Variants in CELF2 observed in about 807,000 individuals in gnomAD.
CELF2 encodes the protein CUGBP Elav-like family member 2, also known as CUG triplet repeat RNA-binding protein 2.
CELF2 carries 8 observed loss-of-function variants against 62.6 expected under a neutral mutation model. That is an observed-to-expected ratio of 0.13 (90% confidence interval 0.07 to 0.23). The LOEUF (loss-of-function observed/expected upper bound fraction) is 0.23, where lower values mean the gene tolerates loss of function less well. Among genes scored for constraint, CELF2 ranks in the 10% least tolerant of loss-of-function variants. The probability of loss-of-function intolerance (pLI) is 1.00; values close to 1 mark genes in which losing one functional copy is unlikely to be tolerated. For synonymous variants in CELF2, 258 were observed against 250.0 expected (o/e 1.03, Z -0.30); for missense variants, 333 against 671.0 (o/e 0.50, Z 5.56).
rs1395484682 is a variant in CELF2 at position 10,997,404 on chromosome 10, A to T, written c.89+77405A>T. ...GCTTCTCTTGCATTTCCATCACATG[A>T]TCATATGAATCACCATATTGGTCTC... is the stretch of plus-strand genomic sequence containing the variant. On this transcript the variant is annotated intron_variant, in intron 2 of 13. Coordinates refer to the CELF2 transcript ENST00000636488. This position sits in a 1 kb window ranked among gnomAD's most constrained non-coding sequence, Gnocchi z 5.3. Among the ~76,000 whole-genome samples the T allele has an allele frequency of 6.6e-6, 1 of 152,196 alleles. No homozygotes were observed. Among genetic ancestry groups the T allele is most frequent in the African/African-American group, 2.4e-5 (1 of 41,452 alleles).
chr10:10,618,238 C>G, the CELF2 span, among the ~76,000 whole-genome samples: 2 of 152,084 alleles, frequency 1.3e-5, no homozygotes, highest in East Asian at 3.9e-4. Context: ...CAATTTTTGG[C>G]TCCCTGACCT....
At chr10:10,982,939 C>T (rs2052317175) in intron 2 of CELF2, among the ~76,000 whole-genome samples, 1 of 151,046 alleles carries the variant, frequency 6.6e-6, no homozygotes. Context: ...TTTTCTAAGA[C>T]TACTGTGCTT....
chr10:10,639,330 C>T, the CELF2 span, among the ~76,000 whole-genome samples: 1 of 152,204 alleles, frequency 6.6e-6, no homozygotes, highest in Admixed American at 6.5e-5. Context: ...CTGCAAACTG[C>T]ACTGGAGCCC....
intron 1 of CELF2, among the ~76,000 whole-genome samples, chr10:10,910,863 C>G (rs1480903849): frequency 2.6e-5 from 4 of 152,136 alleles, no homozygotes; most frequent in Middle Eastern, 3.2e-3. Flanking sequence ...GGCTCTGAGA[C>G]TATCTTCAAG....
intron 2 of CELF2, among the ~76,000 whole-genome samples, chr10:11,187,880 C>T (rs1313821270): frequency 6.6e-6 from 1 of 152,198 alleles, no homozygotes; most frequent in African/African-American, 2.4e-5. Flanking sequence ...ATAGATATTT[C>T]CATCATAAGA....
chr10:11,193,158 C>T (rs1365456317), intron 2 of CELF2, among the ~76,000 whole-genome samples: 6 of 152,160 alleles, frequency 3.9e-5, no homozygotes, highest in African/African-American at 1.4e-4. Context: ...CCAGTGACTT[C>T]GTGGAATGTC....
chr10:10,743,912 C>T, the CELF2 span, among the ~76,000 whole-genome samples: 1 of 54,444 alleles, frequency 1.8e-5, no homozygotes, highest in African/African-American at 5.4e-5. Flanking sequence ...CACTGTAGTC[C>T]AGCAGCAGCC....
intron 1 of CELF2, among the ~76,000 whole-genome samples, chr10:11,093,991 A>G (rs1338956200): frequency 2.0e-5 from 3 of 152,194 alleles, no homozygotes; most frequent in African/African-American, 7.2e-5. Context: ...TGCTAATGGT[A>G]TTACAGATGA....
intron 1 of CELF2, among the ~76,000 whole-genome samples, chr10:10,860,539 G>A (rs1010029326): frequency 6.6e-6 from 1 of 152,132 alleles, no homozygotes; most frequent in Non-Finnish European, 1.5e-5. Flanking sequence ...TTTTTCCCAT[G>A]GCAAAACTCA....
At chr10:10,725,712 C>T in the CELF2 span, among the ~76,000 whole-genome samples, 1 of 152,170 alleles carries the variant, frequency 6.6e-6, no homozygotes, top group Non-Finnish European at 1.5e-5. Context: ...GTAGTAAATA[C>T]AGGCTATGAT....
chr10:10,462,571 G>A, the CELF2 span, among the ~76,000 whole-genome samples: 1 of 137,442 alleles, frequency 7.3e-6, no homozygotes, highest in Non-Finnish European at 1.5e-5. Flanking sequence ...GAGCGAGTTG[G>A]TGCTGCAACG....
chr10:11,103,509 C>CTTTTTTTTTTTTTTTTTTTTTTTTT (rs1332099184), intron 1 of CELF2, among the ~76,000 whole-genome samples: 1 of 40,722 alleles, frequency 2.5e-5, no homozygotes, highest in African/African-American at 2.1e-4. Flanking sequence ...TTTTTTTTTA[C>CTTTTTTTTTTTTTTTTTTTTTTTTT]TGTGAACTCT....
At chr10:10,819,063 A>G (rs527249329) in intron 1 of CELF2, among the ~76,000 whole-genome samples, 1 of 152,214 alleles carries the variant, frequency 6.6e-6, no homozygotes, top group Admixed American at 6.5e-5. Context: ...TAGTGATTGC[A>G]TTTACCTGGT....
intron 1 of CELF2, among the ~76,000 whole-genome samples, chr10:11,151,455 TTTTTA>T (rs2063319810): frequency 2.0e-5 from 3 of 152,208 alleles, no homozygotes; most frequent in Admixed American, 2.0e-4. Flanking sequence ...TTTTGTATTG[TTTTTA>T]TTTTGTCTTT....
intron 1 of CELF2, among the ~76,000 whole-genome samples, chr10:11,026,377 T>C (rs1000455841): frequency 6.6e-6 from 1 of 152,088 alleles, no homozygotes; most frequent in East Asian, 1.9e-4. Flanking sequence ...CCTACCCGCC[T>C]CCCCCGCCAC....
At chr10:10,933,130 T>TA (rs55850099) in intron 2 of CELF2, among the ~76,000 whole-genome samples, 7,292 of 144,524 alleles carry the variant, frequency 0.05, 201 homozygotes, top group Middle Eastern at 0.12. Context: ...CCAAGTCTCT[T>TA]AAAAAAAAAA....
At chr10:10,474,688 G>GT in the CELF2 span, among the ~76,000 whole-genome samples, 2 of 152,096 alleles carry the variant, frequency 1.3e-5, no homozygotes, top group Non-Finnish European at 2.9e-5. Context: ...GGGGTTATTA[G>GT]TACAAAGGAT....
intron 1 of CELF2, among the ~76,000 whole-genome samples, chr10:10,876,568 A>C (rs2061108729): frequency 6.6e-6 from 1 of 152,190 alleles, no homozygotes; most frequent in African/African-American, 2.4e-5. Flanking sequence ...GCGTTTTAGG[A>C]GGCCGATTAC....
chr10:10,825,241 G>T (rs1242080135), intron 1 of CELF2, among the ~76,000 whole-genome samples: 1 of 151,926 alleles, frequency 6.6e-6, no homozygotes, highest in Non-Finnish European at 1.5e-5. Context: ...ACGGAGTCTC[G>T]CTCTGTCACC....
Sources: allele counts gnomAD v4.1 joint callset (sites outside exome capture counted in the v4.1 genomes callset), GRCh38; gene constraint gnomAD v4.1.1; non-coding constraint Gnocchi (gnomAD v3.1); transcripts MANE v1.5; gene names NCBI Gene and HGNC (gene_info 2026-07-23, HGNC 2026-07-21).